CCDC159: variants seen among roughly 807,000 people sequenced by gnomAD.
CCDC159 encodes the protein coiled-coil domain-containing protein 159.
A neutral mutation model predicts 50.9 loss-of-function variants in CCDC159; 40 were observed. That is an observed-to-expected ratio of 0.79 (90% confidence interval 0.61 to 1.02). The LOEUF is 1.02. Ranked by LOEUF, CCDC159 falls within the 50% of genes least tolerant of loss-of-function variation. The pLI is 0.00. For missense variants in CCDC159, 356 were observed against 371.5 expected (o/e 0.96, Z 0.34); for synonymous variants, 146 against 138.9 (o/e 1.05, Z -0.36).
At chr19:11,351,293 C>A in intron 5 of CCDC159, 1 of 318,336 alleles carries the variant, frequency 3.1e-6, no homozygotes. Flanking sequence ...AAGAATTAGT[C>A]AGGCATGGCG....
intron 1 of CCDC159, among the ~76,000 whole-genome samples, chr19:11,347,535 GGC>G (rs1484879150): frequency 6.6e-6 from 1 of 152,118 alleles, no homozygotes; most frequent in East Asian, 1.9e-4. Flanking sequence ...TCTCCATGTT[GGC>G]CAGGCTGGTC....
chr19:11,346,754 G>A (rs1967260237), intron 1 of CCDC159, 127 bp downstream of exon 1: 2 of 1,068,806 alleles, frequency 1.9e-6, no homozygotes, highest in Admixed American at 2.4e-5. Context: ...AGCAGCAACC[G>A]GGATGGGACG....
At chr19:11,354,718 C>T in intron 10 of CCDC159, 22 bp downstream of exon 10, 1 of 1,606,192 alleles carries the variant, frequency 6.2e-7, no homozygotes, top group Non-Finnish European at 8.5e-7. Flanking sequence ...CCCCAGTCCC[C>T]CCCTCCACCC....
At chr19:11,348,272 G>A in intron 1 of CCDC159, 1 of 397,556 alleles carries the variant, frequency 2.5e-6, no homozygotes, top group Non-Finnish European at 4.9e-6. Flanking sequence ...CCTTGGGGCT[G>A]GGATAATCTT....
chr19:11,351,094 A>G, intron 5 of CCDC159, 91 bp downstream of exon 5: 1 of 1,019,510 alleles, frequency 9.8e-7, no homozygotes, highest in Non-Finnish European at 1.4e-6. Context: ...GAAATGGCAG[A>G]TGCCTGGGGG....
At chr19:11,347,332 T>G (rs188529989) in intron 1 of CCDC159, among the ~76,000 whole-genome samples, 3 of 152,266 alleles carry the variant, frequency 2.0e-5, no homozygotes, top group Admixed American at 2.0e-4. Context: ...TAGTTTTTGT[T>G]TGTCTGTTTG....
chr19:11,351,828 G>T, intron 5 of CCDC159, 78 bp from the exon 6 acceptor site: 1 of 1,295,166 alleles, frequency 7.7e-7, no homozygotes, highest in Non-Finnish European at 1.1e-6. Flanking sequence ...TTGCGGGGAT[G>T]GGTGGAGGCA....
rs768283234 is a variant in CCDC159 at position 11,350,874 on chromosome 19, G to A, written c.293G>A (p.Arg98Gln). Residue 98 changes from arginine to glutamine, a missense_variant, in exon 5 of 11, where the codon CGG becomes CAG. Coordinates refer to ENST00000458408, the MANE Select transcript of CCDC159 (RefSeq NM_001080503.3). ...CACAAGTGGGGCATGGAGCAGGGCC[G>A]GCAGGAGCTGTATGGGGCCCTGACC... ...EEHKWGMEQG[R>Q]QELYGALTQG... The A allele has an allele frequency of 9.7e-6, 15 of 1,551,732 alleles. No individual in the cohort carries two copies. Among genetic ancestry groups the A allele is most frequent in the Admixed American group, 5.9e-5 (3 of 51,024 alleles).
At chr19:11,349,843 C>T (rs1284929994) in intron 2 of CCDC159, 95 bp from the exon 3 acceptor site, 2 of 1,283,460 alleles carry the variant, frequency 1.6e-6, no homozygotes, top group Admixed American at 1.8e-5. Flanking sequence ...ATCCCCTGTC[C>T]CTACTGCTAC....
At chr19:11,347,661 C>T (rs747675950) in intron 1 of CCDC159, among the ~76,000 whole-genome samples, 3 of 152,096 alleles carry the variant, frequency 2.0e-5, no homozygotes, top group South Asian at 2.1e-4. Context: ...TAGGAGTCTT[C>T]CAGGTCGACT....
intron 1 of CCDC159, chr19:11,349,453 C>A: frequency 1.6e-6 from 1 of 642,012 alleles, no homozygotes; most frequent in Admixed American, 2.8e-5. Flanking sequence ...CTCTCAGCCA[C>A]ATAAGTGCAC....
chr19:11,351,196 G>A lies in CCDC159; in HGVS notation c.422+193G>A. 5 of 591,488 alleles carry A rather than the reference G, an allele frequency of 8.5e-6. 1 individual carries two copies. The South Asian group carries it at 1.1e-4, about 13-fold the overall frequency. The allele number at this position is 591,488 out of a possible 1,614,324, so 36.6% of individuals were successfully genotyped here. A position where few individuals can be genotyped will look rare whatever the true frequency, so the allele number is the denominator to read the frequency against. On this transcript the variant is annotated intron_variant, in intron 5 of 10. Coordinates refer to ENST00000458408, the MANE Select transcript of CCDC159 (RefSeq NM_001080503.3). ...TCATGCCTGTAATCCCAGCACTTTG[G>A]GAAGCCGAGATGGGCGGATCACCTG...
chr19:11,351,105 A>C, intron 5 of CCDC159, 102 bp downstream of exon 5: 7 of 948,754 alleles, frequency 7.4e-6, no homozygotes, highest in Non-Finnish European at 8.9e-6. Context: ...TGCCTGGGGG[A>C]GGGGGACTGA....
Position 11,354,605 on chromosome 19 carries a change from C to A in CCDC159, c.798C>A (p.Ser266Arg). ...LRGHKGHQCL[S>R]PPLPSWDSDS... ...GCCACAAGGGGCACCAGTGCCTGAG[C>A]CCTCCACTCCCCTCCTGGGACTCTG... Residue 266 changes from serine to arginine, a missense_variant, in exon 10 of 11, where the codon AGC (serine) becomes AGA (arginine). Ser to Arg is a moderately radical substitution (Grantham distance 110, BLOSUM62 -1). Coordinates refer to ENST00000458408, the MANE Select transcript of CCDC159 (RefSeq NM_001080503.3). The A allele has an allele frequency of 6.3e-7, 1 of 1,579,932 alleles. No individual in the cohort carries two copies. The highest frequency in any genetic ancestry group is 1.8e-5 in the Admixed American group (1 of 56,972).
chr19:11,352,389 G>A (rs1428112059), intron 7 of CCDC159: 4 of 474,996 alleles, frequency 8.4e-6, no homozygotes, highest in Non-Finnish European at 1.5e-5. Context: ...GCTGAGGTGG[G>A]TGGATCAGAA....
At chr19:11,353,742 C>T in intron 8 of CCDC159, 50 bp from the exon 9 acceptor site, 2 of 1,549,288 alleles carry the variant, frequency 1.3e-6, no homozygotes, top group East Asian at 4.8e-5. Flanking sequence ...TGTCTACACC[C>T]TGAGCAGTGT....
chr19:11,350,238 G>T, intron 4 of CCDC159, 39 bp downstream of exon 4: 1 of 1,567,872 alleles, frequency 6.4e-7, no homozygotes, highest in Non-Finnish European at 8.7e-7. Context: ...GCTAGGCCAG[G>T]CGTGGTGGCT....
At chr19:11,350,352 T>TAAAAAAAAA (rs34313280) in intron 4 of CCDC159, among the ~76,000 whole-genome samples, 153 bp downstream of exon 4, 1 of 104,480 alleles carries the variant, frequency 9.6e-6, no homozygotes, top group African/African-American at 3.7e-5. Context: ...CATATCTACT[T>TAAAAAAAAA]AAAAAAAAAA....
Position 11,353,830 on chromosome 19 carries a change from T to C in CCDC159, c.728T>C (p.Leu243Pro). The change falls in exon 9 of 11, where the codon CTC becomes CCC. Residue 243 changes from leucine to proline, a missense_variant. Coordinates refer to ENST00000458408, the MANE Select transcript of CCDC159 (RefSeq NM_001080503.3). ...VHVLQNSIDS[L>P]TLCSGACPKA... ...GTGCTGCAGAACTCCATAGACAGCC[T>C]CACTTTGTGCTCGGGGGCCTGTCCC... 6.3e-7 allele frequency: 1 copy of C among 1,597,854 alleles called. No homozygotes were observed. The highest frequency in any genetic ancestry group is 8.5e-7 in the Non-Finnish European group (1 of 1,172,358).
Sources: gnomAD v4.1 joint callset for allele counts (sites outside exome capture counted in the v4.1 genomes callset) on GRCh38, gnomAD v4.1.1 for gene constraint, MANE v1.5 for transcripts, NCBI Gene and HGNC (gene_info 2026-07-23, HGNC 2026-07-21) for gene names.